The following AFF1 variants were observed in gnomAD, a reference collection of about 807,000 sequenced individuals.
The protein encoded by AFF1 is ALF transcription elongation factor 1, also known as AF4/FMR2 family member 1.
AFF1 carries 48 observed loss-of-function variants against 121.7 expected under a neutral mutation model. The observed-to-expected ratio is 0.39, with a 90% CI of 0.31 to 0.50. AFF1 has a LOEUF of 0.50. Ranked by LOEUF, AFF1 falls within the 20% of genes least tolerant of loss-of-function variation. The pLI is 0.76. For synonymous variants in AFF1, 613 were observed against 563.0 expected, an observed-to-expected ratio of 1.09 and a Z score of -1.26; for missense variants, 1,523 against 1,511.7, an observed-to-expected ratio of 1.01 and a Z score of -0.12.
chr4:86,961,665 A>ACCCC (rs1722159715), intron 2 of AFF1, among the ~76,000 whole-genome samples: 1 of 151,596 alleles, frequency 6.6e-6, no homozygotes, highest in Non-Finnish European at 1.5e-5. Flanking sequence ...GTTACCCAAA[A>ACCCC]AAAAAAAAAT....
intron 4 of AFF1, among the ~76,000 whole-genome samples, chr4:87,074,868 A>G (rs992893349): frequency 9.9e-5 from 15 of 152,216 alleles, no homozygotes; most frequent in Non-Finnish European, 8.8e-5. Context: ...AGTGTTTACA[A>G]TTATACATGT....
At chr4:87,075,706 T>A (rs962623264) in intron 4 of AFF1, among the ~76,000 whole-genome samples, 1 of 152,202 alleles carries the variant, frequency 6.6e-6, no homozygotes, top group Non-Finnish European at 1.5e-5. Context: ...TGGTAGTGGT[T>A]GATGGATTAT....
At chr4:87,008,655 CTA>C (rs78969595) in intron 2 of AFF1, among the ~76,000 whole-genome samples, 31,531 of 150,152 alleles carry the variant, frequency 0.21, 3,431 homozygotes, top group East Asian at 0.33. Flanking sequence ...AGAGATAAAA[CTA>C]TAGTACCAGT....
chr4:87,007,003 T>A (rs1020720078), intron 2 of AFF1: 5 of 1,096,582 alleles, frequency 4.6e-6, no homozygotes, highest in Non-Finnish European at 5.6e-6. Context: ...TTTCTTTTCC[T>A]TTCTAACTGT....
Position 87,125,177 on chromosome 4 carries a change from G to A in AFF1, c.2573+34G>A, listed in dbSNP as rs1022464909. ...AGAGATTAGCAACCACCTAATCTAC[G>A]GTGATCAACACTTCTTGGGTCTTGA... On this transcript the variant is annotated intron_variant, in intron 13 of 20. Transcript: ENST00000395146. 9.9e-6 allele frequency: 15 copies of A among 1,514,564 alleles called. 1 individual carries two copies. Among genetic ancestry groups the A allele is most frequent in the Middle Eastern group, 1.7e-4 (1 of 5,822 alleles). 93.8% of individuals were successfully genotyped at this position (1,514,564 alleles called of 1,614,324 possible).
intron 20 of AFF1, 74 bp from the exon 21 acceptor site, chr4:87,135,506 T>G (rs1729224065): frequency 7.0e-7 from 1 of 1,430,744 alleles, no homozygotes; most frequent in African/African-American, 1.4e-5. Flanking sequence ...GAACCTTGAA[T>G]TTTTGTTTCC....
At chr4:87,018,953 T>G (rs1373678117) in intron 2 of AFF1, among the ~76,000 whole-genome samples, 3 of 152,128 alleles carry the variant, frequency 2.0e-5, no homozygotes, top group Non-Finnish European at 4.4e-5. Flanking sequence ...TATAAGGAAG[T>G]GAAGATTTAG....
chr4:86,983,731 A>C (rs28791499), intron 2 of AFF1, among the ~76,000 whole-genome samples: 5,600 of 144,628 alleles, frequency 0.039, 135 homozygotes, highest in Middle Eastern at 0.11. Context: ...AAAAAAAAAA[A>C]CAAAAAACAA....
At chr4:86,985,201 AT>A (rs1442706954) in intron 2 of AFF1, among the ~76,000 whole-genome samples, 18 of 134,172 alleles carry the variant, frequency 1.3e-4, no homozygotes, top group African/African-American at 3.4e-4. Context: ...ATATATATAT[AT>A]ATATATATAT....
rs535839682 is a variant in AFF1 at position 87,105,815 on chromosome 4, A to G, written c.1346A>G (p.Glu449Gly). 3.1e-5 allele frequency: 50 copies of G among 1,614,124 alleles called. No homozygotes were observed. In the East Asian group the frequency reaches 3.8e-4, roughly 12 times the overall value. Residue 449 changes from glutamate (E) to glycine (G), a missense_variant, in exon 10 of 21, where the codon GAG becomes GGG. Around this residue, in one of 5 missense-constraint regions of AFF1, gnomAD observed 905 missense variants for 842.5 expected, o/e 1.07. Coordinates refer to ENST00000395146, the MANE Select transcript of AFF1 (RefSeq NM_001166693.3). ...CTTATTGTGAATGCCTAGACCCCAG[A>G]GAAGCCTCCCTCCTCATCTGCACCT... ...SEDSDSEQTP[E>G]KPPSSSAPPS... is the part of the protein sequence containing the mutation.
intron 4 of AFF1, among the ~76,000 whole-genome samples, chr4:87,071,957 C>T (rs569451183): frequency 3.3e-5 from 5 of 152,016 alleles, no homozygotes; most frequent in African/African-American, 4.8e-5. Flanking sequence ...TAAAGGCCAA[C>T]GGGAATCTTT....
chr4:87,006,944 A>AGG, intron 2 of AFF1: 1 of 1,015,040 alleles, frequency 9.9e-7, no homozygotes. Context: ...CTTTCTTGAC[A>AGG]GGGGGTATCC....
At chr4:87,070,542 G>A (rs945362961) in intron 4 of AFF1, among the ~76,000 whole-genome samples, 7 of 152,238 alleles carry the variant, frequency 4.6e-5, no homozygotes, top group African/African-American at 1.4e-4. Context: ...GAAAATATTG[G>A]CAGCTTCTCA....
intron 2 of AFF1, among the ~76,000 whole-genome samples, chr4:87,015,453 T>G (rs1183250647): frequency 6.6e-6 from 1 of 152,238 alleles, no homozygotes; most frequent in Admixed American, 6.5e-5. Context: ...ATTATTAATG[T>G]TGTTCAGATT....
intron 1 of AFF1, among the ~76,000 whole-genome samples, chr4:86,945,843 A>C (rs1720821914): frequency 6.6e-6 from 1 of 152,084 alleles, no homozygotes; most frequent in African/African-American, 2.4e-5. Context: ...AAAGGTGAAA[A>C]TGCCCTTTTA....
intron 2 of AFF1, among the ~76,000 whole-genome samples, chr4:86,991,834 C>CTTTTTT (rs34804329): frequency 1.8e-5 from 2 of 113,686 alleles, no homozygotes; most frequent in Non-Finnish European, 1.9e-5. Context: ...CTTCAAATTG[C>CTTTTTT]TTTTTTTTTT....
chr4:87,019,797 A>G (rs1448136755), intron 2 of AFF1, among the ~76,000 whole-genome samples: 1 of 148,220 alleles, frequency 6.7e-6, no homozygotes, highest in Non-Finnish European at 1.5e-5. Flanking sequence ...CACTCCAGCA[A>G]ATTAATTGAA....
rs541307569 is a variant in AFF1 at position 86,980,710 on chromosome 4, T to C, written c.38+32139T>C. On this transcript the variant is annotated intron_variant, in intron 2 of 20. Transcript: ENST00000395146. ...TTGCTTATATTAAAAGAATAACGAA[T>C]AGAAAGCAAACTTAAAAACTGATTG... 3.3e-5 allele frequency among the ~76,000 whole-genome samples: 5 copies of C among 152,254 alleles called. No individual in the cohort carries two copies. In the South Asian group the frequency reaches 8.3e-4, roughly 25 times the overall value.
intron 2 of AFF1, among the ~76,000 whole-genome samples, chr4:86,993,755 G>C (rs892304916): frequency 6.6e-6 from 1 of 152,034 alleles, no homozygotes; most frequent in African/African-American, 2.4e-5. Flanking sequence ...ATGAGGTCAG[G>C]AGTTCGAGAC....
Sources: allele counts gnomAD v4.1 joint callset (sites outside exome capture counted in the v4.1 genomes callset), GRCh38; gene constraint gnomAD v4.1.1; regional missense constraint gnomAD v4.1.1; transcripts MANE v1.5; gene names NCBI Gene and HGNC (gene_info 2026-07-23, HGNC 2026-07-21).